The following MMP26 variants were observed in gnomAD, a reference collection of about 807,000 sequenced individuals.
MMP26 encodes the protein matrix metallopeptidase 26.
In MMP26, 33 loss-of-function variants were observed where a neutral mutation model predicts 31.0. That is an observed-to-expected ratio of 1.06 (90% CI 0.81 to 1.42). The LOEUF is 1.42. Among genes scored for constraint, MMP26 ranks in the 40% most tolerant of loss-of-function variants. MMP26 has a pLI of 0.00. For missense variants in MMP26, 347 were observed against 316.1 expected (o/e 1.10, Z -0.74); for synonymous variants, 122 against 114.9 (o/e 1.06, Z -0.40).
intron 2 of MMP26, among the ~76,000 whole-genome samples, chr11:4,873,661 A>G (rs1365416803): frequency 2.6e-5 from 4 of 152,048 alleles, no homozygotes; most frequent in African/African-American, 9.7e-5. Flanking sequence ...AGTCAAGCAA[A>G]CATTACCAAG....
At chr11:4,931,341 G>T (rs1851344303) in intron 2 of MMP26, among the ~76,000 whole-genome samples, 1 of 152,016 alleles carries the variant, frequency 6.6e-6, no homozygotes, top group African/African-American at 2.4e-5. Flanking sequence ...TGCAGGTAGT[G>T]CCTCTTTTTT....
chr11:4,808,980 G>A (rs151129044), intron 2 of MMP26, among the ~76,000 whole-genome samples: 131 of 151,612 alleles, frequency 8.6e-4, no homozygotes, highest in African/African-American at 2.9e-3. Flanking sequence ...CAAGGCATGT[G>A]GAGTGGACAT....
chr11:4,870,992 G>A (rs1850303574), intron 2 of MMP26, among the ~76,000 whole-genome samples: 1 of 151,998 alleles, frequency 6.6e-6, no homozygotes, highest in Non-Finnish European at 1.5e-5. Context: ...TAGTGCTCTA[G>A]GAAGAAGACA....
intron 2 of MMP26, among the ~76,000 whole-genome samples, chr11:4,965,066 A>G (rs548010124): frequency 6.6e-6 from 1 of 152,318 alleles, no homozygotes; most frequent in South Asian, 2.1e-4. Context: ...CTGCACATGT[A>G]CCGCTGAACT....
chr11:4,708,729 C>T (rs890022994), intron 1 of MMP26, among the ~76,000 whole-genome samples: 3 of 152,166 alleles, frequency 2.0e-5, no homozygotes, highest in African/African-American at 7.2e-5. Context: ...GAGAAAACCT[C>T]CTTCCCCCAG....
rs144020720 is a variant in MMP26, at chr11:4,787,978, T to C, written c.-145+20637T>C. Among the ~76,000 whole-genome samples the C allele has an allele frequency of 9.0e-3, 1,364 of 152,262 alleles. 24 individuals carry two copies. The highest frequency in any genetic ancestry group is 0.031 in the African/African-American group (1,287 of 41,548). ...AGAATATTGAATGATTAGTTTAAGA[T>C]AAAAAATCTGGAATTTATATCCACA... On this transcript the variant is annotated intron_variant, in intron 2 of 7. Transcript: ENST00000380390.
chr11:4,799,870 T>G (rs189046047), intron 2 of MMP26, among the ~76,000 whole-genome samples: 1 of 152,266 alleles, frequency 6.6e-6, no homozygotes, highest in East Asian at 1.9e-4. Flanking sequence ...ACCTTAAAGC[T>G]CCAAAATAAT....
chr11:4,717,329 A>G (rs1360542156), intron 1 of MMP26, among the ~76,000 whole-genome samples: 2 of 152,234 alleles, frequency 1.3e-5, no homozygotes, highest in Non-Finnish European at 2.9e-5. Context: ...GTTTGATGTT[A>G]AACAAAGCTA....
intron 2 of MMP26, among the ~76,000 whole-genome samples, chr11:4,867,067 C>T (rs923503625): frequency 6.6e-6 from 1 of 151,852 alleles, no homozygotes; most frequent in Non-Finnish European, 1.5e-5. Context: ...TGGAACAAAA[C>T]CAAAAACTGA....
At chr11:4,940,721 A>G (rs1846194828) in intron 2 of MMP26, among the ~76,000 whole-genome samples, 1 of 152,176 alleles carries the variant, frequency 6.6e-6, no homozygotes, top group African/African-American at 2.4e-5. Flanking sequence ...CCAAACTCAT[A>G]ATGCAGACTT....
chr11:4,769,082 G>A (rs1163818207), intron 2 of MMP26: 1 of 1,580,730 alleles, frequency 6.3e-7, no homozygotes, highest in South Asian at 1.2e-5. Flanking sequence ...GTATACATTA[G>A]CCATCACTGA....
chr11:4,851,223 C>CT (rs1849971166), intron 2 of MMP26, among the ~76,000 whole-genome samples: 1 of 152,212 alleles, frequency 6.6e-6, no homozygotes. Flanking sequence ...GCCTCCAGCT[C>CT]TATCAACAGT....
chr11:4,796,864 G>A (rs1205847867), intron 2 of MMP26, among the ~76,000 whole-genome samples: 1 of 151,936 alleles, frequency 6.6e-6, no homozygotes, highest in African/African-American at 2.4e-5. Context: ...ATACCTCAGG[G>A]CTAACTTCTT....
At chr11:4,910,308 G>A (rs547324627) in intron 2 of MMP26, among the ~76,000 whole-genome samples, 1 of 151,954 alleles carries the variant, frequency 6.6e-6, no homozygotes, top group Admixed American at 6.6e-5. Flanking sequence ...CTACTTCTAA[G>A]GATTCATATA....
intron 2 of MMP26, among the ~76,000 whole-genome samples, chr11:4,986,511 ATTTTTTTTTTTTTTTTTTTTTTT>A (rs58016783): frequency 3.2e-5 from 1 of 31,608 alleles, no homozygotes; most frequent in Non-Finnish European, 5.7e-5. Flanking sequence ...TGCCCAGTCG[ATTTTTTTTTTTTTTTTTTTTTTT>A]TTTTTTTTTT....
In MMP26 at chr11:4,992,250, A is replaced by T. The variant is rs766903645; in HGVS notation, c.*8A>T. 1.2e-6 allele frequency: 2 copies of T among 1,608,402 alleles called. No homozygotes were observed. Among genetic ancestry groups the T allele is most frequent in the South Asian group, 2.2e-5 (2 of 90,118 alleles). ...TCATCTGACATACCTTAATGTTAGC[A>T]CAGAGGACTTATTCAACCTGTCCTT... is the stretch of plus-strand genomic sequence containing the variant. On this transcript the variant is annotated 3_prime_UTR_variant, in exon 8 of 8. Coordinates refer to ENST00000380390, the MANE Select transcript of MMP26 (RefSeq NM_021801.5).
At chr11:4,881,854 T>A in intron 2 of MMP26, 1 of 1,496,186 alleles carries the variant, frequency 6.7e-7, no homozygotes, top group Non-Finnish European at 9.3e-7. Context: ...ATATAAAGAA[T>A]CTTAATTATT....
intron 2 of MMP26, among the ~76,000 whole-genome samples, chr11:4,987,358 G>C (rs1009234229): frequency 5.9e-5 from 9 of 151,748 alleles, no homozygotes; most frequent in Admixed American, 3.3e-4. Flanking sequence ...TGTTTTTCTA[G>C]ATCTCTTTTA....
intron 2 of MMP26, among the ~76,000 whole-genome samples, chr11:4,772,408 T>G (rs142969371): frequency 7.3e-6 from 1 of 136,892 alleles, no homozygotes; most frequent in East Asian, 1.9e-4. Flanking sequence ...AGGGAAAACT[T>G]TACACCCAGT....
Sources: gnomAD v4.1 joint callset for allele counts (sites outside exome capture counted in the v4.1 genomes callset) on GRCh38, gnomAD v4.1.1 for gene constraint, MANE v1.5 for transcripts, NCBI Gene and HGNC (gene_info 2026-07-23, HGNC 2026-07-21) for gene names.